Variants in ZNF469 observed in about 807,000 individuals in gnomAD.
ZNF469 encodes the protein zinc finger protein 469.
ZNF469 carries 1 observed loss-of-function variant against 1.0 expected under a neutral mutation model. The ratio of observed to expected loss-of-function variants is 1.00; its 90% CI spans 0.35 to 4.73. The LOEUF (loss-of-function observed/expected upper bound fraction) is 4.73, where lower values mean the gene tolerates loss of function less well. Among genes scored for constraint, ZNF469 ranks in the 30% most tolerant of loss-of-function variants. ZNF469 has a pLI of 0.16. For synonymous variants in ZNF469, 2,703 were observed against 2,363.4 expected (o/e 1.14, Z -4.17); for missense variants, 6,100 against 5,356.3 (o/e 1.14, Z -4.33).
In ZNF469 at chr16:88,439,340, G is replaced by A. The variant is rs45504291; in HGVS notation, c.*8G>A. ...AAAGATGCTTCCGAGTAATTTCTAG[G>A]AGCAAGAGCCTGGGACCGGAGCTGG... On this transcript the variant is annotated 3_prime_UTR_variant, in exon 3 of 3. Transcript: ENST00000565624. The A allele has an allele frequency of 0.25, 390,701 of 1,549,986 alleles. 49,981 individuals carry two copies. Among genetic ancestry groups the A allele is most frequent in the East Asian group, 0.26 (10,746 of 40,916 alleles).
the ZNF469 span, among the ~76,000 whole-genome samples, chr16:88,303,557 C>G: frequency 1.3e-5 from 2 of 152,190 alleles, no homozygotes; most frequent in Non-Finnish European, 2.9e-5. Context: ...GGAGGCATCT[C>G]AGAAGAAAAT....
At chr16:88,310,209 T>G in the ZNF469 span, among the ~76,000 whole-genome samples, 3 of 152,056 alleles carry the variant, frequency 2.0e-5, no homozygotes, top group African/African-American at 7.2e-5. Flanking sequence ...ACGGAGGACA[T>G]CAGCTTCAGG....
the ZNF469 span, among the ~76,000 whole-genome samples, chr16:88,306,484 G>A: frequency 6.6e-6 from 1 of 152,218 alleles, no homozygotes; most frequent in African/African-American, 2.4e-5. Flanking sequence ...AGGCTGAGCT[G>A]CAGAGCACCT....
the ZNF469 span, among the ~76,000 whole-genome samples, chr16:88,122,722 CCA>C: frequency 6.6e-6 from 1 of 152,066 alleles, no homozygotes; most frequent in Non-Finnish European, 1.5e-5. Flanking sequence ...CTTTAGTCTG[CCA>C]CAGTTTTATG....
rs1021576165 is a variant in ZNF469 at position 88,437,667 on chromosome 16, G to A, written c.10197G>A (p.Thr3399=). ...GLLERPELQH[T]PLYACELCAT... ...TGGAGCGGCCGGAGCTGCAGCACAC[G>A]CCGCTGTATGCCTGCGAGCTCTGCG... The change falls in exon 3 of 3, where the codon ACG becomes ACA. Residue 3399 remains threonine (T), a synonymous_variant. Transcript: ENST00000565624. The A allele has an allele frequency of 4.5e-6, 7 of 1,548,056 alleles. No individual in the cohort carries two copies. The highest frequency in any genetic ancestry group is 5.2e-6 in the Non-Finnish European group (6 of 1,145,466).
the ZNF469 span, among the ~76,000 whole-genome samples, chr16:88,285,958 G>C: frequency 1.3e-5 from 2 of 152,250 alleles, no homozygotes; most frequent in African/African-American, 4.8e-5. Flanking sequence ...CGCTCACTCT[G>C]GCATTGTCTG....
At chr16:88,164,055 G>A in the ZNF469 span, among the ~76,000 whole-genome samples, 1 of 151,718 alleles carries the variant, frequency 6.6e-6, no homozygotes, top group Non-Finnish European at 1.5e-5. Context: ...ATAAGTGGGT[G>A]GATGGATGAA....
chr16:88,261,561 T>A, the ZNF469 span, among the ~76,000 whole-genome samples: 1 of 152,184 alleles, frequency 6.6e-6, no homozygotes. This position sits in a 1 kb window ranked among gnomAD's most constrained non-coding sequence, Gnocchi z 6.0. Flanking sequence ...GAGCCTGTCC[T>A]CTAGAAGGGC....
At chr16:88,152,677 T>C in the ZNF469 span, among the ~76,000 whole-genome samples, 3 of 152,166 alleles carry the variant, frequency 2.0e-5, no homozygotes, top group South Asian at 6.2e-4. The surrounding 1 kb of genome is among the most constrained non-coding windows in gnomAD (Gnocchi z 4.2). Context: ...TGGATGGATT[T>C]TTTTTTAATG....
At chr16:88,135,349 G>T in the ZNF469 span, among the ~76,000 whole-genome samples, 2 of 152,236 alleles carry the variant, frequency 1.3e-5, no homozygotes, top group East Asian at 1.9e-4. Flanking sequence ...GGCTCACTGA[G>T]AAGTCATCTG....
chr16:88,256,646 G>A, the ZNF469 span, among the ~76,000 whole-genome samples: 1 of 152,102 alleles, frequency 6.6e-6, no homozygotes, highest in Non-Finnish European at 1.5e-5. Flanking sequence ...CTTCCACAGT[G>A]GCCACACCAT....
the ZNF469 span, among the ~76,000 whole-genome samples, chr16:88,268,540 C>T: frequency 6.6e-6 from 1 of 152,182 alleles, no homozygotes; most frequent in African/African-American, 2.4e-5. Flanking sequence ...TTTGAGTTCT[C>T]CTGGCGTTTT....
At chr16:88,341,830 C>A in the ZNF469 span, among the ~76,000 whole-genome samples, 203 of 152,012 alleles carry the variant, frequency 1.3e-3, 1 homozygote, top group Non-Finnish European at 9.7e-4. Flanking sequence ...ACTGGATGAG[C>A]CTGAAGGACT....
the ZNF469 span, among the ~76,000 whole-genome samples, chr16:88,197,736 A>G: frequency 1.3e-5 from 2 of 152,202 alleles, no homozygotes; most frequent in Non-Finnish European, 2.9e-5. Flanking sequence ...AGGCCCCCCC[A>G]GGGCCGGAAG....
the ZNF469 span, among the ~76,000 whole-genome samples, chr16:88,234,354 G>T: frequency 1.3e-5 from 2 of 152,262 alleles, no homozygotes; most frequent in East Asian, 3.8e-4. Flanking sequence ...GCCAGACTTT[G>T]TAAGGGCCAA....
chr16:88,305,558 T>C, the ZNF469 span, among the ~76,000 whole-genome samples: 1 of 76,910 alleles, frequency 1.3e-5, no homozygotes, highest in Admixed American at 1.3e-4. Context: ...GTGCACACCC[T>C]CACACGTGCA....
chr16:88,436,482 C>T lies in ZNF469; in HGVS notation c.9012C>T (p.Ala3004=). The change falls in exon 3 of 3, where the codon GCC becomes GCT. Residue 3004 remains alanine, a synonymous_variant. Transcript: ENST00000565624. ...PAAWRGLEMP[A]PADDSSSSLG... ...CTTGGCGAGGCCTGGAGATGCCGGC[C>T]CCTGCCGATGACTCCTCCTCTTCTC... 1.3e-6 allele frequency: 2 copies of T among 1,547,252 alleles called. No homozygotes were observed. Among genetic ancestry groups the T allele is most frequent in the East Asian group, 2.4e-5 (1 of 40,934 alleles).
chr16:88,365,850 C>A, the ZNF469 span, among the ~76,000 whole-genome samples: 1 of 152,170 alleles, frequency 6.6e-6, no homozygotes, highest in Non-Finnish European at 1.5e-5. Flanking sequence ...GCCACACAAG[C>A]TACCAGGCTG....
chr16:88,153,148 C>T, the ZNF469 span, among the ~76,000 whole-genome samples: 5 of 152,206 alleles, frequency 3.3e-5, no homozygotes, highest in Non-Finnish European at 7.3e-5. Context: ...ACAGGCTGGA[C>T]AGGGTATCCC....
Sources: gnomAD v4.1 joint callset for allele counts (sites outside exome capture counted in the v4.1 genomes callset) on GRCh38, gnomAD v4.1.1 for gene constraint, Gnocchi (gnomAD v3.1) non-coding constraint, MANE v1.5 for transcripts, NCBI Gene and HGNC (gene_info 2026-07-23, HGNC 2026-07-21) for gene names.